FGD2: variants seen among roughly 807,000 people sequenced by gnomAD.
The protein encoded by FGD2 is FYVE, RhoGEF and PH domain-containing protein 2.
In FGD2, 52 loss-of-function variants were observed where a neutral mutation model predicts 75.9. The ratio of observed to expected loss-of-function variants is 0.69; its 90% confidence interval spans 0.55 to 0.86. The LOEUF is 0.86. FGD2 is among the 40% of genes least tolerant of loss of function. The pLI, the probability that FGD2 is intolerant of heterozygous loss-of-function variation, is 0.00. For missense variants in FGD2, 790 were observed against 872.0 expected (o/e 0.91, Z 1.18); for synonymous variants, 347 against 348.6 (o/e 1.00, Z 0.05).
chr6:37,017,472 G>A (rs113182720), intron 9 of FGD2, among the ~76,000 whole-genome samples: 1 of 152,238 alleles, frequency 6.6e-6, no homozygotes, highest in African/African-American at 2.4e-5. Context: ...AACAAAGGCT[G>A]GCGCTTCTGC....
chr6:37,028,782 T>A lies in FGD2; in HGVS notation c.*619T>A, dbSNP rs778426728. On this transcript the variant is annotated 3_prime_UTR_variant, in exon 16 of 16. Coordinates refer to ENST00000274963, the MANE Select transcript of FGD2 (RefSeq NM_173558.4). Reference sequence around the variant, plus strand: ...TGCCACTGTGCCAAGCTAATTTTTTTATTTTTTGTAGAGATGGGATTTCAC... The same window carrying A: ...TGCCACTGTGCCAAGCTAATTTTTTAATTTTTTGTAGAGATGGGATTTCAC... 3 of 151,848 alleles carry A rather than the reference T, an allele frequency of 2.0e-5. No individual in the cohort carries two copies. Among genetic ancestry groups the A allele is most frequent in the African/African-American group, 7.3e-5 (3 of 41,254 alleles). The allele number at this position is 151,848 out of a possible 1,614,324, so 9.4% of individuals were successfully genotyped here. A position where few individuals can be genotyped will look rare whatever the true frequency, so the allele number is the denominator to read the frequency against.
intron 13 of FGD2, chr6:37,024,081 CTG>C (rs1271063178): frequency 6.6e-6 from 1 of 152,174 alleles, no homozygotes; most frequent in Non-Finnish European, 1.5e-5. Context: ...TGCCTCACAC[CTG>C]TAATCCCAGC....
rs1180342314 is a variant in FGD2, at chr6:37,027,945, C to A, written c.1753-3C>A. Reference sequence around the variant, plus strand: ...GTGGCCCACTGCTCTCTCCTCCCCCCAGGACATGAGGGCTCACACCTCCAT... The same window carrying A: ...GTGGCCCACTGCTCTCTCCTCCCCCAAGGACATGAGGGCTCACACCTCCAT... On this transcript the variant is annotated splice_region_variant and splice_polypyrimidine_tract_variant and intron_variant, in intron 15 of 15. Transcript: ENST00000274963. The A allele has an allele frequency of 6.2e-7, 1 of 1,613,640 alleles. No individual in the cohort carries two copies. The highest frequency in any genetic ancestry group is 1.3e-5 in the African/African-American group (1 of 74,934).
In FGD2 at chr6:37,005,769, T is replaced by C. The variant is rs774955444; in HGVS notation, c.-49T>C. ...TGGCTGAGTGTGCTGGCTGGAGGCCTCTCTCTCTGCTTCGAGGGTAGCTGA... is the reference window on the plus strand; with the variant it reads ...TGGCTGAGTGTGCTGGCTGGAGGCCCCTCTCTCTGCTTCGAGGGTAGCTGA... On this transcript the variant is annotated 5_prime_UTR_variant, in exon 1 of 16. Coordinates refer to ENST00000274963, the MANE Select transcript of FGD2 (RefSeq NM_173558.4). 8 of 1,594,798 alleles carry C rather than the reference T, an allele frequency of 5.0e-6. No homozygotes were observed. The African/African-American group carries it at 1.1e-4, about 21-fold the overall frequency.
At chr6:37,025,530 C>G (rs1308636586) in intron 13 of FGD2, 1 of 499,954 alleles carries the variant, frequency 2.0e-6, no homozygotes, top group South Asian at 2.5e-5. Flanking sequence ...AGAGAAGTTA[C>G]GGCCCTCGCG....
chr6:37,007,803 G>A (rs1238625785), intron 1 of FGD2, among the ~76,000 whole-genome samples: 1 of 152,194 alleles, frequency 6.6e-6, no homozygotes, highest in East Asian at 1.9e-4. Flanking sequence ...CCCATGGGCT[G>A]AGAAACCAGG....
At chr6:37,013,566 GGA>G (rs780785629) in intron 4 of FGD2, 41 bp from the exon 5 acceptor site, 2 of 1,594,944 alleles carry the variant, frequency 1.3e-6, no homozygotes, top group South Asian at 2.3e-5. Flanking sequence ...AGAGTCGAGA[GGA>G]GGTCTCTAGG....
In FGD2 at chr6:37,022,371, G is replaced by A. The variant is rs747833996; in HGVS notation, c.1458+1G>A. The A allele has an allele frequency of 6.3e-6, 10 of 1,576,424 alleles. No homozygotes were observed. Among genetic ancestry groups the A allele is most frequent in the Non-Finnish European group, 2.6e-6 (3 of 1,164,384 alleles). ...CCACCACTGCCGGGCCTGCGGCTAT[G>A]TGAGTACTCCTGCCAGCACTCCTGC... On this transcript the variant is annotated splice_donor_variant, in intron 13 of 15. Coordinates refer to ENST00000274963, the MANE Select transcript of FGD2 (RefSeq NM_173558.4). LOFTEE classifies it high-confidence loss of function.
intron 12 of FGD2, 151 bp from the exon 13 acceptor site, chr6:37,022,088 C>A: frequency 9.6e-7 from 1 of 1,042,038 alleles, no homozygotes; most frequent in Non-Finnish European, 1.4e-6. Flanking sequence ...AGGTCTCGAT[C>A]AGGTCAGTCA....
At chr6:37,025,633 T>A in intron 13 of FGD2, 159 bp from the exon 14 acceptor site, 1 of 725,422 alleles carries the variant, frequency 1.4e-6, no homozygotes. Flanking sequence ...CTCACCAGCA[T>A]GGGGGAGCAT....
At chr6:37,008,788 C>T (rs1292854015) in intron 1 of FGD2, 46 bp from the exon 2 acceptor site, 1 of 1,499,080 alleles carries the variant, frequency 6.7e-7, no homozygotes. Flanking sequence ...TGCTGTTTTC[C>T]CTGTTCTCCA....
At position 37,025,939 on chromosome 6, in the gene FGD2, G is replaced by T; in HGVS notation, c.1605+1G>T. The stretch of plus-strand genomic sequence containing the variant: ...GGACAAGAGGCGGGGCATCCTGGAG[G>T]TGAGGGCCACTGTCCCCGCGCTCAC... On this transcript the variant is annotated splice_donor_variant, in intron 14 of 15. Coordinates refer to ENST00000274963, the MANE Select transcript of FGD2 (RefSeq NM_173558.4). LOFTEE classifies it high-confidence loss of function. 6.2e-7 allele frequency: 1 copy of T among 1,614,004 alleles called. No individual in the cohort carries two copies. The highest frequency in any genetic ancestry group is 8.5e-7 in the Non-Finnish European group (1 of 1,180,000).
At chr6:37,014,473 C>T (rs1294698924) in intron 6 of FGD2, 173 bp from the exon 7 acceptor site, 6 of 727,214 alleles carry the variant, frequency 8.3e-6, no homozygotes, top group African/African-American at 3.6e-5. Context: ...AGTCTCTCAG[C>T]CCTGGGGGGC....
chr6:37,012,853 T>C (rs1765077561), intron 4 of FGD2, among the ~76,000 whole-genome samples: 1 of 151,330 alleles, frequency 6.6e-6, no homozygotes, highest in Non-Finnish European at 1.5e-5. Context: ...CTAGCATGAT[T>C]TGTGCATCCC....
At chr6:37,015,964 C>T (rs544496271) in intron 9 of FGD2, 104 bp downstream of exon 9, 302 of 1,032,978 alleles carry the variant, frequency 2.9e-4, no homozygotes, top group Non-Finnish European at 4.0e-4. Context: ...GAACCAAACC[C>T]TTGCAGGGCC....
chr6:37,019,120 C>T (rs1765444635), intron 9 of FGD2, among the ~76,000 whole-genome samples: 1 of 152,178 alleles, frequency 6.6e-6, no homozygotes, highest in African/African-American at 2.4e-5. Context: ...CTTCTTTTCC[C>T]TTTCCCCTCT....
chr6:37,014,590 C>T (rs1765184933), intron 6 of FGD2, 56 bp from the exon 7 acceptor site: 1 of 1,602,044 alleles, frequency 6.2e-7, no homozygotes, highest in South Asian at 1.1e-5. Flanking sequence ...GGACCTCCTG[C>T]CCCAGCCACC....
At chr6:37,008,801 G>A in intron 1 of FGD2, 33 bp from the exon 2 acceptor site, 1 of 1,516,354 alleles carries the variant, frequency 6.6e-7, no homozygotes, top group Non-Finnish European at 8.9e-7. Flanking sequence ...GTTCTCCAGG[G>A]AGGAAGCCCT....
Position 37,027,554 on chromosome 6 carries a change from C to G in FGD2, c.1731C>G (p.Leu577=). The G allele has an allele frequency of 6.2e-7, 1 of 1,614,124 alleles. No individual in the cohort carries two copies. The highest frequency in any genetic ancestry group is 8.5e-7 in the Non-Finnish European group (1 of 1,180,002). Reference sequence around the variant, plus strand: ...TCCCTCGGGATGACCCCCTCGTGCTCTATGTCTATGCTGCCCCTCAGGTAA... The same window carrying G: ...TCCCTCGGGATGACCCCCTCGTGCTGTATGTCTATGCTGCCCCTCAGGTAA... The part of the protein sequence containing the change: ...CVIPRDDPLV[L]YVYAAPQDMR... The change falls in exon 15 of 16, where the codon CTC becomes CTG. Residue 577 remains leucine (L), a synonymous_variant. Transcript: ENST00000274963.
Sources: allele counts gnomAD v4.1 joint callset (sites outside exome capture counted in the v4.1 genomes callset), GRCh38; gene constraint gnomAD v4.1.1; transcripts MANE v1.5; gene names NCBI Gene and HGNC (gene_info 2026-07-23, HGNC 2026-07-21).